The following GPC5 variants were observed in gnomAD, a reference collection of about 807,000 sequenced individuals.
GPC5 encodes the protein glypican 5.
In GPC5, 47 loss-of-function variants were observed where a neutral mutation model predicts 53.9. The observed-to-expected ratio is 0.87, with a 90% CI of 0.69 to 1.11. The LOEUF (loss-of-function observed/expected upper bound fraction) is 1.11, where lower values mean the gene tolerates loss of function less well. GPC5 is among the 50% of genes most tolerant of loss of function. GPC5 has a pLI of 0.00. For missense variants in GPC5, 748 were observed against 713.1 expected (o/e 1.05, Z -0.56); for synonymous variants, 286 against 263.3 (o/e 1.09, Z -0.84).
chr13:92,818,646 A>G (rs1176827032), intron 7 of GPC5, among the ~76,000 whole-genome samples: 1 of 151,930 alleles, frequency 6.6e-6, no homozygotes, highest in Non-Finnish European at 1.5e-5. Flanking sequence ...ATATTCTTTA[A>G]TCAGATGGAC....
chr13:91,510,640 AG>A (rs1347681034), intron 2 of GPC5, among the ~76,000 whole-genome samples: 1 of 152,188 alleles, frequency 6.6e-6, no homozygotes, highest in Non-Finnish European at 1.5e-5. Flanking sequence ...CATTTATAAA[AG>A]TCTTGCTAAA....
intron 7 of GPC5, among the ~76,000 whole-genome samples, chr13:92,802,619 A>G (rs1876950333): frequency 1.3e-5 from 2 of 151,930 alleles, no homozygotes; most frequent in South Asian, 2.1e-4. Context: ...TATGCTGAGA[A>G]TGATGGTTTC....
At chr13:91,896,532 G>A (rs191934103) in intron 5 of GPC5, among the ~76,000 whole-genome samples, 1 of 152,186 alleles carries the variant, frequency 6.6e-6, no homozygotes, top group Non-Finnish European at 1.5e-5. Flanking sequence ...GGGGGACAGA[G>A]TATGTAAACA....
intron 7 of GPC5, among the ~76,000 whole-genome samples, chr13:92,287,792 G>A (rs1227090393): frequency 1.3e-5 from 2 of 152,030 alleles, no homozygotes; most frequent in African/African-American, 2.4e-5. Flanking sequence ...TGATGTGTTG[G>A]TTCATGTCTT....
At chr13:92,697,617 A>G (rs1028149088) in intron 7 of GPC5, among the ~76,000 whole-genome samples, 5 of 152,186 alleles carry the variant, frequency 3.3e-5, no homozygotes, top group Admixed American at 1.3e-4. Flanking sequence ...GGTTTTCTAA[A>G]TATACAATCA....
chr13:92,383,118 TA>T (rs1370878140), intron 7 of GPC5, among the ~76,000 whole-genome samples: 11 of 152,148 alleles, frequency 7.2e-5, no homozygotes, highest in Non-Finnish European at 1.5e-4. Flanking sequence ...AATCTCATAT[TA>T]ATATGTATGA....
chr13:92,410,206 G>T (rs1338646454), intron 7 of GPC5, among the ~76,000 whole-genome samples: 1 of 152,164 alleles, frequency 6.6e-6, no homozygotes, highest in Admixed American at 6.5e-5. Context: ...TTGTGTAGTT[G>T]ACCTGAATAT....
intron 7 of GPC5, among the ~76,000 whole-genome samples, chr13:92,691,533 G>A (rs1475337258): frequency 4.6e-5 from 7 of 151,374 alleles, no homozygotes; most frequent in African/African-American, 1.5e-4. Flanking sequence ...CTTCTGCGTC[G>A]CTCACGCTGG....
At chr13:92,595,836 A>G (rs1239493046) in intron 7 of GPC5, among the ~76,000 whole-genome samples, 1 of 151,828 alleles carries the variant, frequency 6.6e-6, no homozygotes, top group Non-Finnish European at 1.5e-5. Flanking sequence ...TAATTTCGAG[A>G]AAGTTATATA....
intron 5 of GPC5, among the ~76,000 whole-genome samples, chr13:91,777,073 T>C (rs531692097): frequency 6.6e-6 from 1 of 152,316 alleles, no homozygotes; most frequent in Admixed American, 6.5e-5. Flanking sequence ...AACAATCAAA[T>C]CCTTTCCTTT....
At chr13:91,739,890 A>G (rs1162389055) in intron 4 of GPC5, among the ~76,000 whole-genome samples, 2 of 151,382 alleles carry the variant, frequency 1.3e-5, no homozygotes, top group African/African-American at 4.9e-5. Flanking sequence ...CATCCATCTC[A>G]TCCACCTGTG....
At chr13:91,887,372 C>T (rs918675753) in intron 5 of GPC5, among the ~76,000 whole-genome samples, 9 of 152,226 alleles carry the variant, frequency 5.9e-5, no homozygotes, top group East Asian at 1.9e-4. Flanking sequence ...GCTTTTGAGC[C>T]GGTGATGGAA....
In GPC5 at chr13:92,169,796, TAGTG is replaced by T. The variant is rs541481103; in HGVS notation, c.1561+24810_1561+24813del. On this transcript the variant is annotated intron_variant, in intron 7 of 7. Transcript: ENST00000377067. ...TAATTTGAGACAGCATAGGTGTTCT[TAGTG>T]AGAAAATTAAAAAACCTGTCCTTAC... Among the ~76,000 whole-genome samples, 8 of 152,238 alleles carry T rather than the reference TAGTG, an allele frequency of 5.3e-5. No individual in the cohort carries two copies. In the South Asian group the frequency reaches 1.7e-3, roughly 32 times the overall value.
At chr13:91,671,780 C>CAAAAAA (rs55758033) in intron 2 of GPC5, among the ~76,000 whole-genome samples, 1,865 of 32,854 alleles carry the variant, frequency 0.057, 9 homozygotes, top group Non-Finnish European at 0.075. Context: ...CAATCTGAAG[C>CAAAAAA]AAAAAAAAAA....
intron 1 of GPC5, among the ~76,000 whole-genome samples, chr13:91,425,866 T>C (rs1879006190): frequency 6.6e-6 from 1 of 152,036 alleles, no homozygotes. Context: ...TGGAGACTTG[T>C]TGAATGGTTT....
At chr13:91,742,362 A>G (rs1165968677) in intron 4 of GPC5, among the ~76,000 whole-genome samples, 5 of 152,206 alleles carry the variant, frequency 3.3e-5, no homozygotes, top group East Asian at 1.9e-4. Flanking sequence ...ATTTTGTTGC[A>G]TTGAAAAGTA....
At chr13:91,495,224 AC>A (rs148756036) in intron 2 of GPC5, among the ~76,000 whole-genome samples, 1,846 of 151,684 alleles carry the variant, frequency 0.012, 32 homozygotes, top group African/African-American at 0.041. Flanking sequence ...AATACATCTC[AC>A]CCCTTCCACT....
chr13:92,479,301 A>G (rs1879264621), intron 7 of GPC5, among the ~76,000 whole-genome samples: 1 of 152,210 alleles, frequency 6.6e-6, no homozygotes, highest in Non-Finnish European at 1.5e-5. Flanking sequence ...AGATGCAAGG[A>G]GAGCATGGGA....
At chr13:92,296,127 G>A (rs1594078315) in intron 7 of GPC5, among the ~76,000 whole-genome samples, 1 of 152,132 alleles carries the variant, frequency 6.6e-6, no homozygotes, top group Admixed American at 6.6e-5. Context: ...CTGTCTGTAG[G>A]TCTCTCAGCC....
Sources: allele counts gnomAD v4.1 joint callset (sites outside exome capture counted in the v4.1 genomes callset), GRCh38; gene constraint gnomAD v4.1.1; transcripts MANE v1.5; gene names NCBI Gene and HGNC (gene_info 2026-07-23, HGNC 2026-07-21).